The following ZFHX3 variants were observed in gnomAD, a reference collection of about 807,000 sequenced individuals.
ZFHX3 encodes the protein zinc finger homeobox protein 3.
In ZFHX3, 42 loss-of-function variants were observed where a neutral mutation model predicts 279.1. The ratio of observed to expected loss-of-function variants is 0.15; its 90% CI spans 0.12 to 0.19. The LOEUF (loss-of-function observed/expected upper bound fraction) is 0.19, where lower values mean the gene tolerates loss of function less well. Among genes scored for constraint, ZFHX3 ranks in the 10% least tolerant of loss-of-function variants. The pLI is 1.00. For missense variants in ZFHX3, 4,981 were observed against 4,754.0 expected (o/e 1.05, Z -1.40); for synonymous variants, 2,293 against 1,957.8 (o/e 1.17, Z -4.52).
chr16:73,283,272 G>T (rs905625022), intron 4 of ZFHX3, among the ~76,000 whole-genome samples: 1 of 152,152 alleles, frequency 6.6e-6, no homozygotes. Context: ...TGAGGTCATT[G>T]CGCTTACTGA....
At chr16:72,892,860 G>A (rs957440638) in intron 3 of ZFHX3, among the ~76,000 whole-genome samples, 8 of 152,144 alleles carry the variant, frequency 5.3e-5, no homozygotes, top group Non-Finnish European at 1.0e-4. Flanking sequence ...TCTGTGATGA[G>A]GTTCCTTTCA....
chr16:73,519,630 T>A (rs2019579211), intron 2 of ZFHX3, among the ~76,000 whole-genome samples: 1 of 152,108 alleles, frequency 6.6e-6, no homozygotes, highest in Admixed American at 6.6e-5. Context: ...ATGCCACCTG[T>A]CTTGTCTTTT....
At chr16:73,711,052 T>A (rs2053357932) in intron 1 of ZFHX3, among the ~76,000 whole-genome samples, 1 of 152,322 alleles carries the variant, frequency 6.6e-6, no homozygotes, top group East Asian at 1.9e-4. Context: ...GTGAAAGGAA[T>A]TTCTTTCATG....
chr16:73,475,786 A>G (rs555775629), intron 2 of ZFHX3, among the ~76,000 whole-genome samples: 1 of 152,270 alleles, frequency 6.6e-6, no homozygotes, highest in East Asian at 1.9e-4. Flanking sequence ...AGATTAAAAT[A>G]TATAAATACT....
chr16:73,497,903 C>T (rs1420223751), intron 2 of ZFHX3, among the ~76,000 whole-genome samples: 3 of 152,152 alleles, frequency 2.0e-5, no homozygotes, highest in Non-Finnish European at 2.9e-5. Flanking sequence ...GCTTAAATTG[C>T]TTATCCTAAT....
chr16:73,733,990 G>C (rs186507675), intron 1 of ZFHX3, among the ~76,000 whole-genome samples: 93 of 152,276 alleles, frequency 6.1e-4, no homozygotes, highest in Non-Finnish European at 1.2e-3. Flanking sequence ...TCCATGGATT[G>C]GGAGGTGGGG....
At chr16:73,467,402 C>G (rs2018592105) in intron 2 of ZFHX3, among the ~76,000 whole-genome samples, 1 of 152,226 alleles carries the variant, frequency 6.6e-6, no homozygotes, top group Non-Finnish European at 1.5e-5. Context: ...AGCTCCTGCT[C>G]TCCTTACTTG....
At chr16:73,734,148 G>T (rs989390041) in intron 1 of ZFHX3, among the ~76,000 whole-genome samples, 3 of 152,188 alleles carry the variant, frequency 2.0e-5, no homozygotes, top group African/African-American at 7.2e-5. Context: ...TCTGACAGGA[G>T]GTGGAGCTCA....
At position 73,415,489 on chromosome 16, in the gene ZFHX3, G is replaced by A. The variant is rs2017553144; in HGVS notation, c.-1291+40514C>T. Among the ~76,000 whole-genome samples, 4 of 152,206 alleles carry A rather than the reference G, an allele frequency of 2.6e-5. No individual in the cohort carries two copies. In the South Asian group the frequency reaches 8.3e-4, roughly 31 times the overall value. On this transcript the variant is annotated intron_variant, in intron 3 of 17. Coordinates refer to the ZFHX3 transcript ENST00000641206. ...CACTATGGATTCTTCAATCTGGGGA[G>A]AAAAGGGCTGATTCATCTGTTTCAA... is the stretch of plus-strand genomic sequence containing the variant.
chr16:73,009,121 G>A (rs575860989), intron 1 of ZFHX3, among the ~76,000 whole-genome samples: 138 of 151,514 alleles, frequency 9.1e-4, no homozygotes, highest in Non-Finnish European at 1.6e-3. Context: ...ACCTTAAAAC[G>A]CATTTCAATC....
chr16:73,127,745 A>G (rs1966596482), intron 7 of ZFHX3: 29 of 655,796 alleles, frequency 4.4e-5, no homozygotes, highest in Non-Finnish European at 6.4e-5. Context: ...AGAAAGTTGG[A>G]CAATGCCTGG....
intron 2 of ZFHX3, among the ~76,000 whole-genome samples, chr16:73,477,009 C>A (rs1259802679): frequency 6.6e-6 from 1 of 152,080 alleles, no homozygotes; most frequent in Non-Finnish European, 1.5e-5. Flanking sequence ...TCTCAAATGC[C>A]AATACATTAA....
chr16:72,841,397 A>T (rs895820235), intron 4 of ZFHX3, among the ~76,000 whole-genome samples: 2 of 152,206 alleles, frequency 1.3e-5, no homozygotes, highest in African/African-American at 4.8e-5. Context: ...TTAATGGGGG[A>T]AAAAGCAGAT....
At chr16:73,440,453 A>G (rs2018071689) in intron 3 of ZFHX3, among the ~76,000 whole-genome samples, 1 of 152,230 alleles carries the variant, frequency 6.6e-6, no homozygotes, top group African/African-American at 2.4e-5. Context: ...TTTGAAAAAT[A>G]GACCCATTTG....
At chr16:73,797,472 A>G (rs1041614545) in intron 1 of ZFHX3, among the ~76,000 whole-genome samples, 1 of 152,232 alleles carries the variant, frequency 6.6e-6, no homozygotes, top group Non-Finnish European at 1.5e-5. Context: ...TTAAATGTTT[A>G]GGATTGTCAA....
At chr16:73,336,261 CA>C (rs1395036547) in intron 3 of ZFHX3, among the ~76,000 whole-genome samples, 1 of 152,164 alleles carries the variant, frequency 6.6e-6, no homozygotes, top group Non-Finnish European at 1.5e-5. Context: ...ATTTTAGTTT[CA>C]GGGGTACATG....
At chr16:73,082,629 G>T (rs1030761438) in intron 8 of ZFHX3, among the ~76,000 whole-genome samples, 3 of 152,028 alleles carry the variant, frequency 2.0e-5, no homozygotes, top group African/African-American at 4.8e-5. Context: ...TGTATAAGAT[G>T]AAAGCAGATC....
intron 7 of ZFHX3, among the ~76,000 whole-genome samples, chr16:72,802,899 T>C (rs1483984652): frequency 6.6e-6 from 1 of 152,166 alleles, no homozygotes; most frequent in East Asian, 1.9e-4. Flanking sequence ...AGGTGATATA[T>C]ATATCCAAAG....
In ZFHX3 at chr16:72,787,372, AGAG is replaced by A; in HGVS notation, c.10901_10903del (p.Pro3634del). Reference sequence around the variant, plus strand: ...TGAGGTAACCGTTGAAGATGAGGAGAGAGGAGGAAAAGAAGGGGGCTTCGCTGC... The same window carrying A: ...TGAGGTAACCGTTGAAGATGAGGAGAGAGGAAAAGAAGGGGGCTTCGCTGC... On this transcript the variant is annotated inframe_deletion, in exon 10 of 10. Coordinates refer to ENST00000268489, the MANE Select transcript of ZFHX3 (RefSeq NM_006885.4). 6.2e-7 allele frequency: 1 copy of A among 1,607,380 alleles called. No homozygotes were observed. The highest frequency in any genetic ancestry group is 8.5e-7 in the Non-Finnish European group (1 of 1,175,996).
Sources: gnomAD v4.1 joint callset for allele counts (sites outside exome capture counted in the v4.1 genomes callset) on GRCh38, gnomAD v4.1.1 for gene constraint, MANE v1.5 for transcripts, NCBI Gene and HGNC (gene_info 2026-07-23, HGNC 2026-07-21) for gene names.